The following CD99 variants were observed in gnomAD, a reference collection of about 807,000 sequenced individuals.
CD99 encodes CD99 molecule (Xg blood group), also known as CD99 antigen.
Under a neutral mutation model 28.4 loss-of-function variants are expected in CD99, and 19 were observed. The ratio of observed to expected loss-of-function variants is 0.67; its 90% CI spans 0.47 to 0.98. The LOEUF (loss-of-function observed/expected upper bound fraction) is 0.98, where lower values mean the gene tolerates loss of function less well. CD99 is among the 50% of genes least tolerant of loss of function. The pLI, the probability that CD99 is intolerant of heterozygous loss-of-function variation, is 0.00. For missense variants in CD99, 283 were observed against 248.8 expected (o/e 1.14, Z -0.92); for synonymous variants, 103 against 92.1 (o/e 1.12, Z -0.67).
At chrX:2,733,729 C>A (rs1190240740) in intron 8 of CD99, 3 of 349,422 alleles carry the variant, frequency 8.6e-6, no homozygotes, top group Admixed American at 8.2e-5. Context: ...GCCAAGGGAA[C>A]AAACTGGGGC....
intron 5 of CD99, among the ~76,000 whole-genome samples, chrX:2,720,946 CA>C (rs2048966842): frequency 6.6e-6 from 1 of 152,076 alleles, no homozygotes; most frequent in Non-Finnish European, 1.5e-5. Context: ...CTTTTGTTTC[CA>C]AGTTCCATCT....
intron 1 of CD99, among the ~76,000 whole-genome samples, chrX:2,695,484 T>C (rs1243438771): frequency 6.6e-6 from 1 of 152,130 alleles, no homozygotes; most frequent in African/African-American, 2.4e-5. Context: ...CAATCAGGGC[T>C]CACTACAGCC....
At chrX:2,716,913 A>T (rs2048750421) in intron 2 of CD99, among the ~76,000 whole-genome samples, 1 of 152,172 alleles carries the variant, frequency 6.6e-6, no homozygotes, top group Non-Finnish European at 1.5e-5. Flanking sequence ...AGAAATGTGA[A>T]CAGCCTTTCA....
At chrX:2,718,358 G>C (rs1252037711) in intron 3 of CD99, among the ~76,000 whole-genome samples, 2 of 149,476 alleles carry the variant, frequency 1.3e-5, no homozygotes, top group African/African-American at 4.9e-5. Flanking sequence ...AGTGCTTGCT[G>C]TTCTTTCTTT....
intron 7 of CD99, among the ~76,000 whole-genome samples, chrX:2,724,067 G>A (rs1483113233): frequency 6.6e-6 from 1 of 151,984 alleles, no homozygotes; most frequent in Non-Finnish European, 1.5e-5. Context: ...CTTGTTTTAG[G>A]TATTTATTAT....
At chrX:2,732,900 C>T (rs1165914425) in intron 8 of CD99, among the ~76,000 whole-genome samples, 1 of 143,820 alleles carries the variant, frequency 7.0e-6, no homozygotes, top group Non-Finnish European at 1.5e-5. Context: ...CTCCCTCCTT[C>T]CCTTCTTTCC....
At chrX:2,739,795 G>A (rs1285900872) in intron 9 of CD99, among the ~76,000 whole-genome samples, 7 of 150,688 alleles carry the variant, frequency 4.6e-5, no homozygotes, top group Non-Finnish European at 7.4e-5. Context: ...TTAGTGTCTC[G>A]CCAGACGCGG....
chrX:2,708,487 C>G (rs927202684), intron 1 of CD99, among the ~76,000 whole-genome samples: 1 of 152,172 alleles, frequency 6.6e-6, no homozygotes, highest in South Asian at 2.1e-4. Flanking sequence ...AAGCTGAGGT[C>G]GAGGGCCCAA....
At chrX:2,732,665 T>C (rs2049696687) in intron 8 of CD99, among the ~76,000 whole-genome samples, 1 of 145,734 alleles carries the variant, frequency 6.9e-6, no homozygotes, top group African/African-American at 2.6e-5. Context: ...CTTTTCTCTA[T>C]CTCTTCCTTT....
chrX:2,723,254 G>C (rs1478242004), intron 6 of CD99, 60 bp from the exon 7 acceptor site: 46 of 1,561,282 alleles, frequency 2.9e-5, no homozygotes, highest in Non-Finnish European at 3.4e-5. Flanking sequence ...CACGGTCCTG[G>C]CTGTGAATTT....
At chrX:2,692,029 G>C in intron 1 of CD99, 2 of 674,922 alleles carry the variant, frequency 3.0e-6, no homozygotes, top group Non-Finnish European at 5.4e-6. Flanking sequence ...ACGGGGCGCA[G>C]AAAGAAACGT....
intron 8 of CD99, 183 bp from the exon 9 acceptor site, chrX:2,738,017 A>G (rs2050032425): frequency 2.7e-6 from 2 of 729,828 alleles, no homozygotes; most frequent in Non-Finnish European, 5.1e-6. Context: ...ATACTGGCAA[A>G]GTCTTCACTT....
chrX:2,711,795 T>C (rs2124537168), intron 1 of CD99, among the ~76,000 whole-genome samples: 1 of 152,250 alleles, frequency 6.6e-6, no homozygotes, highest in South Asian at 2.1e-4. Context: ...ATCCTAGCAC[T>C]TTGGGAGGCT....
intron 7 of CD99, among the ~76,000 whole-genome samples, chrX:2,723,671 A>G (rs1356727353): frequency 1.3e-5 from 2 of 151,838 alleles, no homozygotes; most frequent in Non-Finnish European, 2.9e-5. Context: ...AAGCTCCTAC[A>G]CTCACCCTAA....
chrX:2,735,263 G>A (rs977554613), intron 8 of CD99, among the ~76,000 whole-genome samples: 2 of 152,212 alleles, frequency 1.3e-5, no homozygotes, highest in African/African-American at 4.8e-5. Flanking sequence ...ACCCATTAAA[G>A]CCATATTGCT....
chrX:2,720,023 T>C (rs1469508338), intron 4 of CD99, among the ~76,000 whole-genome samples: 7 of 152,194 alleles, frequency 4.6e-5, no homozygotes. Flanking sequence ...TGGTTTGGCA[T>C]GGGAACCATA....
At chrX:2,733,279 G>C in intron 8 of CD99, 1 of 1,455,516 alleles carries the variant, frequency 6.9e-7, no homozygotes, top group Non-Finnish European at 9.4e-7. Context: ...GGGAGCCCCA[G>C]CGCACAGCAA....
rs753976984 is a variant in CD99, at chrX:2,738,214, G to T, written c.490G>T (p.Val164Leu). 2.8e-5 allele frequency: 45 copies of T among 1,613,802 alleles called. No homozygotes were observed. Among genetic ancestry groups the T allele is most frequent in the Middle Eastern group, 3.3e-4 (2 of 6,078 alleles). ...CTTCTTTTCAGCAGAACAAGGGGAG[G>T]TGGACATGGAGAGCCACCGGAATGC... is the stretch of plus-strand genomic sequence containing the variant. ...CFKENAEQGE[V>L]DMESHRNANA... Residue 164 changes from valine (V) to leucine (L), a missense_variant, in exon 9 of 10, where the codon GTG becomes TTG. Physicochemically the swap from Val to Leu is conservative, Grantham distance 32. Coordinates refer to ENST00000381192, the MANE Select transcript of CD99 (RefSeq NM_002414.5).
intron 4 of CD99, 33 bp downstream of exon 4, chrX:2,719,738 G>C (rs1299554898): frequency 1.9e-6 from 3 of 1,593,312 alleles, no homozygotes; most frequent in Non-Finnish European, 2.6e-6. Context: ...TTCTGCTGCT[G>C]ATCTGCTTAT....
Sources: gnomAD v4.1 joint callset for allele counts (sites outside exome capture counted in the v4.1 genomes callset) on GRCh38, gnomAD v4.1.1 for gene constraint, MANE v1.5 for transcripts, NCBI Gene and HGNC (gene_info 2026-07-23, HGNC 2026-07-21) for gene names.